Variants in CAD observed in about 807,000 individuals in gnomAD.
CAD encodes multifunctional protein CAD.
A neutral mutation model predicts 237.2 loss-of-function variants in CAD; 81 were observed. The observed-to-expected ratio is 0.34, with a 90% CI of 0.29 to 0.41. The LOEUF is 0.41. Ranked by LOEUF, CAD falls within the 10% of genes least tolerant of loss-of-function variation. The probability of loss-of-function intolerance (pLI) is 1.00; values close to 1 mark genes in which losing one functional copy is unlikely to be tolerated. For synonymous variants in CAD, 1,196 were observed against 1,162.8 expected, an observed-to-expected ratio of 1.03 and a Z score of -0.58; for missense variants, 2,181 against 2,951.7, an observed-to-expected ratio of 0.74 and a Z score of 6.05.
Position 27,237,960 on chromosome 2 carries a change from G to A in CAD, c.4728+78G>A. ...GGGCCCCTGCCTAAGTGGGCTGGTA[G>A]CAGTGAGGATTCAGGGGAGCTCCTG... On this transcript the variant is annotated intron_variant, in intron 29 of 43. Transcript: ENST00000264705. This position sits in a 1 kb window ranked among gnomAD's most constrained non-coding sequence, Gnocchi z 4.0. The A allele has an allele frequency of 6.3e-7, 1 of 1,577,612 alleles. No homozygotes were observed. Among genetic ancestry groups the A allele is most frequent in the South Asian group, 1.2e-5 (1 of 85,382 alleles).
intron 3 of CAD, among the ~76,000 whole-genome samples, chr2:27,221,753 A>ATTTTTTGTTTTT (rs1675177974): frequency 9.7e-6 from 1 of 103,494 alleles, no homozygotes. Flanking sequence ...AAATTTCCCA[A>ATTTTTTGTTTTT]TTTTTTTTTT....
Position 27,241,089 on chromosome 2 carries a change from C to T in CAD, c.5670C>T (p.Tyr1890=). 6.2e-7 allele frequency: 1 copy of T among 1,608,850 alleles called. No homozygotes were observed. Among genetic ancestry groups the T allele is most frequent in the Non-Finnish European group, 8.5e-7 (1 of 1,177,666 alleles). Reference sequence around the variant, plus strand: ...TGGGAACCCCTGATGGCACCTGCTACCCTCCACCACCAGTACCGAGACAGG... The same window carrying T: ...TGGGAACCCCTGATGGCACCTGCTATCCTCCACCACCAGTACCGAGACAGG... ...ELMGTPDGTC[Y]PPPPVPRQAS... The change falls in exon 37 of 44, where the codon TAC becomes TAT. Residue 1890 remains tyrosine (Y), a synonymous_variant. Transcript: ENST00000264705. This position sits in a 1 kb window ranked among gnomAD's most constrained non-coding sequence, Gnocchi z 4.6.
At chr2:27,228,242 A>G (rs747751918) in intron 15 of CAD, among the ~76,000 whole-genome samples, 2 of 152,250 alleles carry the variant, frequency 1.3e-5, no homozygotes, top group South Asian at 4.1e-4. Flanking sequence ...GGTTCCTCTC[A>G]TTAGTAAATA....
Position 27,240,394 on chromosome 2 carries a change from T to A in CAD, c.5593+33T>A. ...TGGGGTTCCTGTGACTCAGAGACTG[T>A]GTAGGGACAGGATCCACTTCTTCCC... On this transcript the variant is annotated intron_variant, in intron 35 of 43. Transcript: ENST00000264705. This position sits in a 1 kb window ranked among gnomAD's most constrained non-coding sequence, Gnocchi z 4.6. 6.3e-7 allele frequency: 1 copy of A among 1,589,716 alleles called. No homozygotes were observed. Among genetic ancestry groups the A allele is most frequent in the Non-Finnish European group, 8.6e-7 (1 of 1,157,812 alleles).
chr2:27,222,381 G>A, intron 4 of CAD, 45 bp downstream of exon 4: 1 of 1,590,850 alleles, frequency 6.3e-7, no homozygotes, highest in Non-Finnish European at 8.6e-7. Context: ...TAGCACAGTA[G>A]TTATATTCTG....
rs764225010 is a variant in CAD at position 27,241,893 on chromosome 2, A to G, written c.5884-18A>G. On this transcript the variant is annotated intron_variant, in intron 38 of 43. Transcript: ENST00000264705. This position sits in a 1 kb window ranked among gnomAD's most constrained non-coding sequence, Gnocchi z 4.6. ...GTGGACACGCATACGTACACCTTCC[A>G]TCTTGCTCTTTCCCTAGGGGAAGGT... 9 of 1,605,476 alleles carry G rather than the reference A, an allele frequency of 5.6e-6. No individual in the cohort carries two copies. The South Asian group carries it at 8.8e-5, about 16-fold the overall frequency.
chr2:27,240,345 C>T lies in CAD; in HGVS notation c.5577C>T (p.Ser1859=), dbSNP rs749921513. The change falls in exon 35 of 44, where the codon TCC becomes TCT. Residue 1859 remains serine (S), a synonymous_variant. Coordinates refer to ENST00000264705, the MANE Select transcript of CAD (RefSeq NM_004341.5). This position sits in a 1 kb window ranked among gnomAD's most constrained non-coding sequence, Gnocchi z 4.6. ...TGCCGCCCCGAATCCATCGAGCCTC[C>T]GACCCAGGTTTGCCAGGTAAGAGTG... ...FHLPPRIHRA[S]DPGLPAEEPK... is the part of the protein sequence containing the mutation. 1.4e-5 allele frequency: 23 copies of T among 1,614,024 alleles called. No homozygotes were observed. The highest frequency in any genetic ancestry group is 1.0e-4 in the Admixed American group (6 of 60,000).
In CAD at chr2:27,221,780, T is replaced by TA. The variant is rs1491358907; in HGVS notation, c.353-414_353-413insA. Reference sequence around the variant, plus strand: ...TTTTTTTTTTTTTTTTTTTTTTTTTTCTGTTCATTTGAATCTTGCTCTAAA... The same window carrying TA: ...TTTTTTTTTTTTTTTTTTTTTTTTTTACTGTTCATTTGAATCTTGCTCTAAA... On this transcript the variant is annotated intron_variant, in intron 3 of 43. Coordinates refer to ENST00000264705, the MANE Select transcript of CAD (RefSeq NM_004341.5). 5.3e-4 allele frequency among the ~76,000 whole-genome samples: 63 copies of TA among 118,888 alleles called. 2 individuals are homozygous for TA. Among genetic ancestry groups the TA allele is most frequent in the African/African-American group, 2.0e-3 (57 of 28,178 alleles). The allele number at this position is 118,888 out of a possible 152,430, so 78.0% of individuals were successfully genotyped here.
chr2:27,237,666 G>C lies in CAD; in HGVS notation c.4564-52G>C, dbSNP rs369676592. 55 of 1,586,312 alleles carry C rather than the reference G, an allele frequency of 3.5e-5. No individual in the cohort carries two copies. The African/African-American group carries it at 6.2e-4, about 18-fold the overall frequency. The stretch of plus-strand genomic sequence containing the variant: ...GGCCCAGGCCACTGGTGCCAGGCTA[G>C]CCTGTGTGGGCATGGGTGCCAGTGA... On this transcript the variant is annotated intron_variant, in intron 28 of 43. Coordinates refer to ENST00000264705, the MANE Select transcript of CAD (RefSeq NM_004341.5). This position sits in a 1 kb window ranked among gnomAD's most constrained non-coding sequence, Gnocchi z 4.0.
rs776841196 is a variant in CAD at position 27,242,085 on chromosome 2, G to A, written c.6058G>A (p.Val2020Ile). Residue 2020 changes from valine (V) to isoleucine (I), a missense_variant, in exon 39 of 44, where the codon GTC (valine) becomes ATC (isoleucine). Coordinates refer to ENST00000264705, the MANE Select transcript of CAD (RefSeq NM_004341.5). This position sits in a 1 kb window ranked among gnomAD's most constrained non-coding sequence, Gnocchi z 6.4. ...SVQTMSCYAD[V>I]VVLRHPQPGA... The stretch of plus-strand genomic sequence containing the variant: ...GCAGACCATGAGCTGCTATGCCGAC[G>A]TCGTCGTGCTCCGGCACCCCCAGCC... 9.3e-6 allele frequency: 15 copies of A among 1,613,066 alleles called. No individual in the cohort carries two copies. The highest frequency in any genetic ancestry group is 1.7e-4 in the Middle Eastern group (1 of 5,970).
In CAD at chr2:27,225,808, C is replaced by T. The variant is rs781776367; in HGVS notation, c.1724C>T (p.Ser575Phe). The change falls in exon 12 of 44, where the codon TCT (serine) becomes TTT (phenylalanine). Residue 575 changes from serine (S) to phenylalanine (F), a missense_variant. Physicochemically the swap from Ser to Phe is radical, Grantham distance 155 (BLOSUM62 -2). This residue lies in a region of CAD where 174 missense variants were observed against 215.8 expected (regional missense o/e 0.81). Transcript: ENST00000264705. ...TTTGCCTCTAACAGGGAGGAGCTCT[C>T]TGCTCTCGTGGCCCCAGCTTTTGCC... Reference protein sequence around the residue: ...SGFASNREELSALVAPAFAHT... With the variant: ...SGFASNREELFALVAPAFAHT... The T allele has an allele frequency of 6.2e-7, 1 of 1,614,222 alleles. No homozygotes were observed.
At chr2:27,226,384 C>T in intron 13 of CAD, 65 bp downstream of exon 13, 6 of 1,576,100 alleles carry the variant, frequency 3.8e-6, no homozygotes, top group South Asian at 1.1e-5. Flanking sequence ...AATTTTTGGC[C>T]CTTGAGGTTG....
Position 27,243,636 on chromosome 2 carries a change from T to C in CAD, c.*118T>C, listed in dbSNP as rs1231021478. 1 of 795,100 alleles carries C rather than the reference T, an allele frequency of 1.3e-6. No individual in the cohort carries two copies. The highest frequency in any genetic ancestry group is 2.0e-6 in the Non-Finnish European group (1 of 490,470). 49.3% of individuals were successfully genotyped at this position (795,100 alleles called of 1,614,324 possible). On this transcript the variant is annotated 3_prime_UTR_variant, in exon 44 of 44. Transcript: ENST00000264705. ...GGACATCCAGATAGCTCACATGTGC[T>C]GACCACACTTCAGGCTCTGGACTGG... is the stretch of plus-strand genomic sequence containing the variant.
Position 27,243,768 on chromosome 2 carries a change from C to T in CAD, c.*250C>T. ...GTCATTTTTCTACTGACTTAATAAA[C>T]AGCCGAGCTGTCCCTTGATGCTGAG... On this transcript the variant is annotated 3_prime_UTR_variant, in exon 44 of 44. Transcript: ENST00000264705. 1 of 516,234 alleles carries T rather than the reference C, an allele frequency of 1.9e-6. No homozygotes were observed. The highest frequency in any genetic ancestry group is 2.8e-5 in the South Asian group (1 of 36,022). 32.0% of individuals were successfully genotyped at this position (516,234 alleles called of 1,614,324 possible).
chr2:27,242,962 G>A lies in CAD; in HGVS notation c.6469G>A (p.Glu2157Lys), dbSNP rs1435281530. 1.9e-6 allele frequency: 3 copies of A among 1,600,972 alleles called. No individual in the cohort carries two copies. The South Asian group carries it at 3.3e-5, about 18-fold the overall frequency. The change falls in exon 42 of 44, where the codon GAG becomes AAG. Residue 2157 changes from glutamate (E) to lysine (K), a missense_variant. This residue lies in a region of CAD where 170 missense variants were observed against 212.1 expected (regional missense o/e 0.80). Transcript: ENST00000264705. This position sits in a 1 kb window ranked among gnomAD's most constrained non-coding sequence, Gnocchi z 6.4. ...IQKERFGSTQ[E>K]YEACFGQFIL... ...GAAGGAACGATTTGGCTCTACCCAG[G>A]AGTACGAAGCTGTGAGTGCTGGGCT...
rs1340896857 is a variant in CAD, at chr2:27,224,779, C to A, written c.1289C>A (p.Thr430Lys). The change falls in exon 10 of 44, where the codon ACG becomes AAG. Residue 430 changes from threonine (T) to lysine (K), a missense_variant. Thr to Lys is a moderately conservative substitution (Grantham distance 78). Coordinates refer to ENST00000264705, the MANE Select transcript of CAD (RefSeq NM_004341.5). ...IKALKEENIQ[T>K]LLINPNIATV... ...GCCCTGAAGGAGGAAAACATCCAGA[C>A]GTTGCTGATCAACCCCAATATTGCC... 2 of 1,614,168 alleles carry A rather than the reference C, an allele frequency of 1.2e-6. No homozygotes were observed. Among genetic ancestry groups the A allele is most frequent in the Non-Finnish European group, 1.7e-6 (2 of 1,179,996 alleles).
chr2:27,221,780 T>TTTTTTTTTTTTA, intron 3 of CAD, among the ~76,000 whole-genome samples: 1 of 118,888 alleles, frequency 8.4e-6, no homozygotes, highest in Middle Eastern at 4.3e-3. Context: ...TTTTTTTTTT[T>TTTTTTTTTTTTA]CTGTTCATTT....
In CAD at chr2:27,232,900, A is replaced by G. The variant is rs1195217571; in HGVS notation, c.2893-142A>G. 1.3e-6 allele frequency: 1 copy of G among 782,284 alleles called. No individual in the cohort carries two copies. The highest frequency in any genetic ancestry group is 2.6e-5 in the East Asian group (1 of 38,852). The allele number at this position is 782,284 out of a possible 1,614,324, so 48.5% of individuals were successfully genotyped here. A position where few individuals can be genotyped will look rare whatever the true frequency, so the allele number is the denominator to read the frequency against. On this transcript the variant is annotated intron_variant, in intron 18 of 43. Transcript: ENST00000264705. This position sits in a 1 kb window ranked among gnomAD's most constrained non-coding sequence, Gnocchi z 4.1. Reference sequence around the variant, plus strand: ...ACACTTTGTACCTCCTTCCCTCCCAAGGCAGGGGTCCTGTACAGCTCTTTC... The same window carrying G: ...ACACTTTGTACCTCCTTCCCTCCCAGGGCAGGGGTCCTGTACAGCTCTTTC...
intron 2 of CAD, 25 bp downstream of exon 2, chr2:27,218,041 A>G (rs1208135172): frequency 7.7e-6 from 12 of 1,563,192 alleles, no homozygotes; most frequent in Non-Finnish European, 1.0e-5. Context: ...TGCTTTCTCT[A>G]CATTCCTTTT....
Sources: allele counts gnomAD v4.1 joint callset (sites outside exome capture counted in the v4.1 genomes callset), GRCh38; gene constraint gnomAD v4.1.1; regional missense constraint gnomAD v4.1.1; non-coding constraint Gnocchi (gnomAD v3.1); transcripts MANE v1.5; gene names NCBI Gene and HGNC (gene_info 2026-07-23, HGNC 2026-07-21).